RIPOR2: variants seen among roughly 807,000 people sequenced by gnomAD.
RIPOR2 encodes RHO family interacting cell polarization regulator 2.
In RIPOR2, 39 loss-of-function variants were observed where a neutral mutation model predicts 114.5. The ratio of observed to expected loss-of-function variants is 0.34; its 90% CI spans 0.26 to 0.44. RIPOR2 has a LOEUF of 0.44. Ranked by LOEUF, RIPOR2 falls within the 20% of genes least tolerant of loss-of-function variation. The probability of loss-of-function intolerance (pLI) is 1.00; values close to 1 mark genes in which losing one functional copy is unlikely to be tolerated. For missense variants in RIPOR2, 1,007 were observed against 1,255.1 expected, an observed-to-expected ratio of 0.80 and a Z score of 2.99; for synonymous variants, 445 against 484.4, an observed-to-expected ratio of 0.92 and a Z score of 1.07.
rs534042444 is a variant in RIPOR2, at chr6:24,821,336, C to T, written c.2869-2711G>A. ...TAGCTGGGATTACAGGCATGCTCCACCATGCCCAGCTAATTTTTTGTATTT... is the reference window on the plus strand; with the variant it reads ...TAGCTGGGATTACAGGCATGCTCCATCATGCCCAGCTAATTTTTTGTATTT... On this transcript the variant is annotated intron_variant, in intron 19 of 21. Coordinates refer to ENST00000643898, the MANE Select transcript of RIPOR2 (RefSeq NM_001286445.3). 1.6e-4 allele frequency among the ~76,000 whole-genome samples: 24 copies of T among 152,036 alleles called. 1 individual carries two copies. The East Asian group carries it at 4.5e-3, about 28-fold the overall frequency.
At chr6:24,922,606 T>A (rs1167372099) in intron 1 of RIPOR2, among the ~76,000 whole-genome samples, 2 of 152,040 alleles carry the variant, frequency 1.3e-5, no homozygotes, top group African/African-American at 4.8e-5. Context: ...ACGCCTGTAA[T>A]CCCAGCACTT....
Position 24,806,042 on chromosome 6 carries a change from T to G in RIPOR2, c.*331A>C, listed in dbSNP as rs1780751549. The G allele has an allele frequency of 4.2e-6, 1 of 237,204 alleles. No homozygotes were observed. The highest frequency in any genetic ancestry group is 5.9e-5 in the Admixed American group (1 of 16,850). 14.7% of individuals were successfully genotyped at this position (237,204 alleles called of 1,614,324 possible). A position where few individuals can be genotyped will look rare whatever the true frequency, so the allele number is the denominator to read the frequency against. The stretch of plus-strand genomic sequence containing the variant: ...ATGGCTCACTGCAGCCTGAATCTTC[T>G]GGGCTCAAGCAATCCTCCCACCTTA... On this transcript the variant is annotated 3_prime_UTR_variant, in exon 22 of 22. Transcript: ENST00000643898.
chr6:25,024,450 T>C (rs1729289596), intron 1 of RIPOR2: 2 of 919,592 alleles, frequency 2.2e-6, no homozygotes, highest in Admixed American at 3.5e-5. Flanking sequence ...GCCGCCACCA[T>C]AGGCCAGAAC....
chr6:25,006,153 C>T (rs975243191), intron 1 of RIPOR2, among the ~76,000 whole-genome samples: 7 of 152,164 alleles, frequency 4.6e-5, no homozygotes, highest in African/African-American at 1.7e-4. Context: ...ATACTGTTAA[C>T]ATGTATACAG....
At chr6:24,846,495 G>A (rs898912944) in intron 12 of RIPOR2, among the ~76,000 whole-genome samples, 10 of 151,820 alleles carry the variant, frequency 6.6e-5, no homozygotes, top group Non-Finnish European at 1.2e-4. Flanking sequence ...TTGTAGAGAC[G>A]GGGTCTCACT....
intron 9 of RIPOR2, among the ~76,000 whole-genome samples, chr6:24,852,105 C>CA (rs1056067613): frequency 1.1e-4 from 16 of 151,766 alleles, no homozygotes; most frequent in East Asian, 1.9e-4. Context: ...ACTAAAAATA[C>CA]AAAAAAATTA....
intron 1 of RIPOR2, among the ~76,000 whole-genome samples, chr6:24,884,192 A>G (rs1397798898): frequency 6.6e-6 from 1 of 151,868 alleles, no homozygotes; most frequent in African/African-American, 2.4e-5. Flanking sequence ...GCGGATCATG[A>G]GGTCAGGAGA....
intron 19 of RIPOR2, among the ~76,000 whole-genome samples, chr6:24,822,056 G>T (rs1375999984): frequency 2.6e-5 from 4 of 152,198 alleles, no homozygotes; most frequent in Non-Finnish European, 5.9e-5. Context: ...GCACCACCTG[G>T]GTGGTGCATG....
chr6:24,840,030 G>T, intron 13 of RIPOR2: 1 of 842,060 alleles, frequency 1.2e-6, no homozygotes, highest in Non-Finnish European at 1.4e-6. Flanking sequence ...GCTCACTGCA[G>T]CCTCAATCTC....
intron 19 of RIPOR2, among the ~76,000 whole-genome samples, chr6:24,824,097 C>A (rs1447238706): frequency 6.6e-6 from 1 of 152,164 alleles, no homozygotes; most frequent in Non-Finnish European, 1.5e-5. Context: ...AACACTGGCC[C>A]CTCAGTGTGA....
chr6:24,971,788 G>C (rs1773799673), intron 1 of RIPOR2, among the ~76,000 whole-genome samples: 1 of 152,198 alleles, frequency 6.6e-6, no homozygotes, highest in African/African-American at 2.4e-5. Flanking sequence ...CCAAATCCCA[G>C]GAGGAAATGA....
chr6:24,901,992 T>G (rs2114019221), intron 1 of RIPOR2, among the ~76,000 whole-genome samples: 1 of 152,222 alleles, frequency 6.6e-6, no homozygotes, highest in South Asian at 2.1e-4. Context: ...GGGACTAAAG[T>G]ATCGTGATGA....
At chr6:25,009,709 A>G (rs993416357) in intron 1 of RIPOR2, among the ~76,000 whole-genome samples, 6 of 152,248 alleles carry the variant, frequency 3.9e-5, no homozygotes, top group South Asian at 2.1e-4. Context: ...CATAAAGTCT[A>G]TCTAACTCAT....
chr6:24,976,748 A>G (rs1034903195), intron 1 of RIPOR2: 53 of 1,611,212 alleles, frequency 3.3e-5, no homozygotes, highest in Non-Finnish European at 4.2e-5. Flanking sequence ...TGAGAACTTC[A>G]TCCTAAAGCA....
At chr6:24,877,103 A>G in intron 1 of RIPOR2, 1 of 985,452 alleles carries the variant, frequency 1.0e-6, no homozygotes, top group South Asian at 4.7e-5. Context: ...AAAGACTCAA[A>G]GAAAGAAAAG....
intron 1 of RIPOR2, among the ~76,000 whole-genome samples, chr6:24,892,180 G>A (rs1767431006): frequency 6.6e-6 from 1 of 152,128 alleles, no homozygotes; most frequent in African/African-American, 2.4e-5. Flanking sequence ...AATGAGGGTT[G>A]GAGACTTTTC....
intron 1 of RIPOR2, among the ~76,000 whole-genome samples, chr6:24,997,283 A>C (rs1326839214): frequency 6.6e-6 from 1 of 152,162 alleles, no homozygotes; most frequent in Non-Finnish European, 1.5e-5. Flanking sequence ...GTTAATTTAA[A>C]AAACCTTTTC....
At position 24,872,979 on chromosome 6, in the gene RIPOR2, TGTAATC is replaced by T; in HGVS notation, c.345-26_345-21del. On this transcript the variant is annotated intron_variant, in intron 3 of 21. Coordinates refer to ENST00000643898, the MANE Select transcript of RIPOR2 (RefSeq NM_001286445.3). ...TATTCACTGCAAAGATAAGACAAGA[TGTAATC>T]GTAATCTCTGCGCCTGTTAAGTGGA... 1 of 1,550,834 alleles carries T rather than the reference TGTAATC, an allele frequency of 6.4e-7. No individual in the cohort carries two copies. The highest frequency in any genetic ancestry group is 8.9e-7 in the Non-Finnish European group (1 of 1,122,790).
chr6:24,965,310 G>A (rs969199320), intron 1 of RIPOR2, among the ~76,000 whole-genome samples: 10 of 151,886 alleles, frequency 6.6e-5, no homozygotes, highest in African/African-American at 2.4e-4. Flanking sequence ...ACAAACTTTT[G>A]TACTTTTTAT....
Sources: gnomAD v4.1 joint callset for allele counts (sites outside exome capture counted in the v4.1 genomes callset) on GRCh38, gnomAD v4.1.1 for gene constraint, MANE v1.5 for transcripts, NCBI Gene and HGNC (gene_info 2026-07-23, HGNC 2026-07-21) for gene names.